Variants in MTMR12 observed in about 807,000 individuals in gnomAD.
MTMR12 encodes myotubularin related protein 12.
MTMR12 carries 33 observed loss-of-function variants against 96.7 expected under a neutral mutation model. The ratio of observed to expected loss-of-function variants is 0.34; its 90% confidence interval spans 0.26 to 0.46. The LOEUF is 0.46. MTMR12 is among the 20% of genes least tolerant of loss of function. The pLI, the probability that MTMR12 is intolerant of heterozygous loss-of-function variation, is 1.00. For missense variants in MTMR12, 721 were observed against 896.1 expected (o/e 0.80, Z 2.49); for synonymous variants, 298 against 327.2 (o/e 0.91, Z 0.96).
At chr5:32,265,972 T>C (rs907303537) in intron 6 of MTMR12, among the ~76,000 whole-genome samples, 1 of 152,176 alleles carries the variant, frequency 6.6e-6, no homozygotes, top group South Asian at 2.1e-4. Flanking sequence ...AATCTATCTA[T>C]ACCTTTTCTA....
At chr5:32,309,758 T>C (rs1383808680) in intron 1 of MTMR12, 1 of 152,132 alleles carries the variant, frequency 6.6e-6, no homozygotes, top group African/African-American at 2.4e-5. Flanking sequence ...CGTGAAGCGT[T>C]TCATATTTTT....
intron 8 of MTMR12, among the ~76,000 whole-genome samples, chr5:32,255,466 G>C (rs1018967207): frequency 1.3e-5 from 2 of 152,300 alleles, no homozygotes; most frequent in South Asian, 2.1e-4. Flanking sequence ...TCCTCTTAAA[G>C]CTCTGTTCAT....
rs760047949 is a variant in MTMR12, at chr5:32,263,261, A to G, written c.584-19T>C. ...TCAGTGACTAAGAGAACAAAATGTA[A>G]AAGACAATAAAATCTTTCCATGAAG... On this transcript the variant is annotated intron_variant, in intron 6 of 15. Coordinates refer to ENST00000382142, the MANE Select transcript of MTMR12 (RefSeq NM_001040446.3). 6.2e-7 allele frequency: 1 copy of G among 1,613,096 alleles called. No individual in the cohort carries two copies. Among genetic ancestry groups the G allele is most frequent in the Non-Finnish European group, 8.5e-7 (1 of 1,179,534 alleles).
intron 13 of MTMR12, among the ~76,000 whole-genome samples, chr5:32,237,463 G>A (rs767297917): frequency 6.6e-6 from 1 of 151,980 alleles, no homozygotes; most frequent in Non-Finnish European, 1.5e-5. Flanking sequence ...TCCCACCCAC[G>A]CTACCACTAA....
intron 1 of MTMR12, among the ~76,000 whole-genome samples, chr5:32,278,960 C>T (rs1750170871): frequency 6.6e-6 from 1 of 151,524 alleles, no homozygotes; most frequent in African/African-American, 2.4e-5. Flanking sequence ...CCTGTAATCC[C>T]AGCTACTCGG....
At chr5:32,288,702 T>G (rs1244105012) in intron 1 of MTMR12, among the ~76,000 whole-genome samples, 1 of 152,198 alleles carries the variant, frequency 6.6e-6, no homozygotes, top group Non-Finnish European at 1.5e-5. Context: ...CTTTTAATGT[T>G]GCAGCTCGGG....
At chr5:32,292,068 G>A (rs13161465) in intron 1 of MTMR12, among the ~76,000 whole-genome samples, 310 of 152,318 alleles carry the variant, frequency 2.0e-3, no homozygotes, top group Non-Finnish European at 3.9e-3. Flanking sequence ...GCGGCAGTGG[G>A]TTCGTACTCA....
In MTMR12 at chr5:32,276,675, C is replaced by G; in HGVS notation, c.142+7G>C. ...CATAGGAGTTACTATGCTAACATGA[C>G]AGTTACCTGGCAACAAGTGAAGAGT... On this transcript the variant is annotated splice_region_variant and intron_variant, in intron 2 of 15. Transcript: ENST00000382142. 1 of 1,612,302 alleles carries G rather than the reference C, an allele frequency of 6.2e-7. No individual in the cohort carries two copies. The highest frequency in any genetic ancestry group is 8.5e-7 in the Non-Finnish European group (1 of 1,178,396).
Position 32,312,413 on chromosome 5 carries a change from C to T in MTMR12, c.81+345G>A, listed in dbSNP as rs1751634078. On this transcript the variant is annotated intron_variant, in intron 1 of 15. Coordinates refer to ENST00000382142, the MANE Select transcript of MTMR12 (RefSeq NM_001040446.3). This position sits in a 1 kb window ranked among gnomAD's most constrained non-coding sequence, Gnocchi z 5.0. ...TCCGAGCAGGCCCCGTTGGGGGCTCCGACCCACGGCCCTACCCCTCCCAGC... is the reference window on the plus strand; with the variant it reads ...TCCGAGCAGGCCCCGTTGGGGGCTCTGACCCACGGCCCTACCCCTCCCAGC... Among the ~76,000 whole-genome samples, 1 of 152,184 alleles carries T rather than the reference C, an allele frequency of 6.6e-6. No individual in the cohort carries two copies. The highest frequency in any genetic ancestry group is 2.1e-4 in the South Asian group (1 of 4,834).
intron 1 of MTMR12, among the ~76,000 whole-genome samples, chr5:32,281,977 C>T (rs1750313333): frequency 6.6e-6 from 1 of 151,648 alleles, no homozygotes; most frequent in Non-Finnish European, 1.5e-5. Context: ...TTCTCAGCTA[C>T]TAATTTTGTT....
At chr5:32,297,551 G>GT (rs61395255) in intron 1 of MTMR12, among the ~76,000 whole-genome samples, 1,656 of 142,858 alleles carry the variant, frequency 0.012, 24 homozygotes, top group Admixed American at 0.028. Flanking sequence ...CTGACCTCAG[G>GT]TTTTTTTTTT....
In MTMR12 at chr5:32,248,688, G is replaced by A. The variant is rs1748792131; in HGVS notation, c.896+84C>T. 1.4e-5 allele frequency: 15 copies of A among 1,043,444 alleles called. No individual in the cohort carries two copies. The East Asian group carries it at 3.6e-4, about 25-fold the overall frequency. 64.6% of individuals were successfully genotyped at this position (1,043,444 alleles called of 1,614,324 possible). On this transcript the variant is annotated intron_variant, in intron 9 of 15. Coordinates refer to ENST00000382142, the MANE Select transcript of MTMR12 (RefSeq NM_001040446.3). ...GCATTAAGCTACCAGTAGGTAAACA[G>A]AAATAGACATACTACTAAGAGCTGT...
intron 1 of MTMR12, among the ~76,000 whole-genome samples, chr5:32,286,818 C>T (rs148624979): frequency 2.2e-3 from 339 of 152,272 alleles, no homozygotes; most frequent in Middle Eastern, 6.8e-3. Context: ...AACCTGCCTC[C>T]CCTGGCCGAC....
At chr5:32,300,085 C>G (rs1468853851) in intron 1 of MTMR12, among the ~76,000 whole-genome samples, 1 of 152,188 alleles carries the variant, frequency 6.6e-6, no homozygotes, top group African/African-American at 2.4e-5. Flanking sequence ...GCCATCTCCC[C>G]AAGAGAAGGT....
intron 1 of MTMR12, among the ~76,000 whole-genome samples, chr5:32,311,897 TTTC>T (rs894249628): frequency 5.9e-5 from 9 of 152,276 alleles, no homozygotes; most frequent in African/African-American, 1.9e-4. Flanking sequence ...AGGAAAAAGA[TTTC>T]TTTTCTTTCC....
At chr5:32,259,971 G>C (rs1043083844) in intron 7 of MTMR12, among the ~76,000 whole-genome samples, 1 of 149,838 alleles carries the variant, frequency 6.7e-6, no homozygotes, top group African/African-American at 2.5e-5. Flanking sequence ...GGGAGGCGGA[G>C]GTTGCAGTGA....
chr5:32,232,975 C>A, intron 15 of MTMR12: 1 of 985,322 alleles, frequency 1.0e-6, no homozygotes, highest in Non-Finnish European at 1.2e-6. Flanking sequence ...ACTGCTCTCT[C>A]CTTTGTGGAC....
At chr5:32,306,877 T>C (rs1421423319) in intron 1 of MTMR12, among the ~76,000 whole-genome samples, 1 of 152,158 alleles carries the variant, frequency 6.6e-6, no homozygotes, top group African/African-American at 2.4e-5. Flanking sequence ...TTCATTCAGG[T>C]CAAACACTGA....
chr5:32,240,169 G>C (rs563952485), intron 12 of MTMR12, among the ~76,000 whole-genome samples: 1 of 152,272 alleles, frequency 6.6e-6, no homozygotes, highest in African/African-American at 2.4e-5. Flanking sequence ...GGGAGGCCGA[G>C]GCGGGTGGAT....
Sources: allele counts gnomAD v4.1 joint callset (sites outside exome capture counted in the v4.1 genomes callset), GRCh38; gene constraint gnomAD v4.1.1; non-coding constraint Gnocchi (gnomAD v3.1); transcripts MANE v1.5; gene names NCBI Gene and HGNC (gene_info 2026-07-23, HGNC 2026-07-21).